Variants in PLCB1 observed in about 807,000 individuals in gnomAD.
PLCB1 encodes the protein phospholipase C beta 1.
PLCB1 carries 46 observed loss-of-function variants against 161.8 expected under a neutral mutation model. The ratio of observed to expected loss-of-function variants is 0.28; its 90% CI spans 0.22 to 0.36. The LOEUF is 0.36. Ranked by LOEUF, PLCB1 falls within the 10% of genes least tolerant of loss-of-function variation. PLCB1 has a pLI of 1.00. For synonymous variants in PLCB1, 517 were observed against 503.7 expected, an observed-to-expected ratio of 1.03 and a Z score of -0.35; for missense variants, 1,016 against 1,472.5, an observed-to-expected ratio of 0.69 and a Z score of 5.07.
chr20:8,421,364 A>G (rs967938802), intron 3 of PLCB1, among the ~76,000 whole-genome samples: 7 of 152,104 alleles, frequency 4.6e-5, no homozygotes, highest in Admixed American at 1.3e-4. Flanking sequence ...GCCTTGTTTA[A>G]TTTCTTTTTT....
chr20:8,825,699 T>A (rs950271432), intron 31 of PLCB1, among the ~76,000 whole-genome samples: 17 of 152,156 alleles, frequency 1.1e-4, no homozygotes, highest in African/African-American at 3.4e-4. Flanking sequence ...ATGATCAGAT[T>A]TAGACTTTGA....
At chr20:8,495,670 T>TA (rs67798203) in intron 3 of PLCB1, among the ~76,000 whole-genome samples, 105,228 of 151,758 alleles carry the variant, frequency 0.69, 36,680 homozygotes, top group Non-Finnish European at 0.71. Flanking sequence ...GTGCTGGGAT[T>TA]ACAGGCGTGA....
chr20:8,682,336 T>C (rs1388423498), intron 9 of PLCB1, among the ~76,000 whole-genome samples: 1 of 152,054 alleles, frequency 6.6e-6, no homozygotes, highest in African/African-American at 2.4e-5. Context: ...CCCCTGTCTC[T>C]ACACAGAGAA....
intron 3 of PLCB1, among the ~76,000 whole-genome samples, chr20:8,383,083 A>G (rs1302009027): frequency 6.6e-6 from 1 of 152,206 alleles, no homozygotes; most frequent in Admixed American, 6.5e-5. Context: ...AGTCCTGAAT[A>G]TACTTGTAAA....
intron 3 of PLCB1, among the ~76,000 whole-genome samples, chr20:8,374,907 A>T (rs1316981906): frequency 6.6e-6 from 1 of 152,158 alleles, no homozygotes; most frequent in Non-Finnish European, 1.5e-5. Flanking sequence ...TTTTTACAGC[A>T]TCTCATTACA....
intron 2 of PLCB1, among the ~76,000 whole-genome samples, chr20:8,164,173 A>G (rs549487573): frequency 6.6e-6 from 1 of 152,308 alleles, no homozygotes; most frequent in South Asian, 2.1e-4. Context: ...ATTTATAAAT[A>G]TGAGTCCTTG....
At chr20:8,836,940 G>A (rs1986310086) in intron 31 of PLCB1, among the ~76,000 whole-genome samples, 1 of 152,104 alleles carries the variant, frequency 6.6e-6, no homozygotes, top group Non-Finnish European at 1.5e-5. Flanking sequence ...CCTGTGACTG[G>A]CTGAACCAAC....
chr20:8,461,860 T>A (rs1981592176), intron 3 of PLCB1, among the ~76,000 whole-genome samples: 1 of 152,324 alleles, frequency 6.6e-6, no homozygotes, highest in Admixed American at 6.5e-5. Flanking sequence ...AAATGTGTCA[T>A]AAATGCTTTG....
intron 3 of PLCB1, among the ~76,000 whole-genome samples, chr20:8,541,351 T>A (rs1215908579): frequency 6.6e-6 from 1 of 152,100 alleles, no homozygotes; most frequent in African/African-American, 2.4e-5. Flanking sequence ...TTGGAGCAGA[T>A]GAGTAACATA....
At chr20:8,874,955 G>C (rs1420550342) in intron 31 of PLCB1, among the ~76,000 whole-genome samples, 1 of 151,572 alleles carries the variant, frequency 6.6e-6, no homozygotes, top group Non-Finnish European at 1.5e-5. Context: ...CAATTTCTCA[G>C]AATGTTATTG....
intron 27 of PLCB1, among the ~76,000 whole-genome samples, chr20:8,778,112 AG>A (rs1293019544): frequency 6.6e-6 from 1 of 152,114 alleles, no homozygotes; most frequent in Non-Finnish European, 1.5e-5. Flanking sequence ...GAGTTTCCCC[AG>A]GGCCCCAACC....
At chr20:8,381,509 G>A (rs1987253446) in intron 3 of PLCB1, among the ~76,000 whole-genome samples, 1 of 152,190 alleles carries the variant, frequency 6.6e-6, no homozygotes, top group Non-Finnish European at 1.5e-5. Flanking sequence ...AATAGTTTCA[G>A]AAGGAATGGT....
At chr20:8,710,498 G>A (rs1240421625) in intron 12 of PLCB1, among the ~76,000 whole-genome samples, 1 of 141,336 alleles carries the variant, frequency 7.1e-6, no homozygotes, top group East Asian at 2.1e-4. Context: ...TCGACTTGAG[G>A]ATGCTTTTTT....
intron 3 of PLCB1, among the ~76,000 whole-genome samples, chr20:8,610,078 C>T (rs1481190854): frequency 6.6e-6 from 1 of 152,130 alleles, no homozygotes; most frequent in Non-Finnish European, 1.5e-5. Context: ...TCTTCCCAGA[C>T]CCTGGTAACC....
At chr20:8,166,866 G>A (rs1356644745) in intron 2 of PLCB1, among the ~76,000 whole-genome samples, 1 of 152,056 alleles carries the variant, frequency 6.6e-6, no homozygotes, top group Non-Finnish European at 1.5e-5. Context: ...TGGAACACAT[G>A]TTTTCTCCCC....
Position 8,845,945 on chromosome 20 carries a change from C to T in PLCB1, c.3424-35677C>T, listed in dbSNP as rs150762534. On this transcript the variant is annotated intron_variant, in intron 31 of 31. Coordinates refer to ENST00000338037, the MANE Select transcript of PLCB1 (RefSeq NM_015192.4). The stretch of plus-strand genomic sequence containing the variant: ...TAGGGAGGTGTTGATTGTAGAGACA[C>T]ACAGCAGGGGCTATATAATTCCATA... Among the ~76,000 whole-genome samples the T allele has an allele frequency of 5.9e-5, 9 of 152,282 alleles. No individual in the cohort carries two copies. In the East Asian group the frequency reaches 1.7e-3, roughly 29 times the overall value.
intron 26 of PLCB1, among the ~76,000 whole-genome samples, chr20:8,770,244 G>T (rs537276616): frequency 2.6e-4 from 39 of 152,254 alleles, no homozygotes; most frequent in African/African-American, 9.1e-4. Context: ...GAGCCACCAC[G>T]CCCAGCCAAA....
chr20:8,832,937 G>C (rs560406599), intron 31 of PLCB1, among the ~76,000 whole-genome samples: 19 of 152,306 alleles, frequency 1.2e-4, no homozygotes, highest in Admixed American at 6.5e-5. Flanking sequence ...TGGAATCACG[G>C]CACAATCCAA....
chr20:8,464,339 T>G (rs1424744067), intron 3 of PLCB1, among the ~76,000 whole-genome samples: 1 of 152,182 alleles, frequency 6.6e-6, no homozygotes, highest in African/African-American at 2.4e-5. Context: ...TCTCTAGCAT[T>G]TATAGCCCAT....
Sources: gnomAD v4.1 joint callset for allele counts (sites outside exome capture counted in the v4.1 genomes callset) on GRCh38, gnomAD v4.1.1 for gene constraint, MANE v1.5 for transcripts, NCBI Gene and HGNC (gene_info 2026-07-23, HGNC 2026-07-21) for gene names.